The following PCDH11X variants were observed in gnomAD, a reference collection of about 807,000 sequenced individuals.
PCDH11X encodes the protein protocadherin 11 X-linked, also known as protocadherin-11 X-linked.
Under a neutral mutation model 53.3 loss-of-function variants are expected in PCDH11X, and 18 were observed. The ratio of observed to expected loss-of-function variants is 0.34; its 90% CI spans 0.23 to 0.50. The LOEUF (loss-of-function observed/expected upper bound fraction) is 0.50, where lower values mean the gene tolerates loss of function less well. PCDH11X is among the 20% of genes least tolerant of loss of function. The pLI is 0.98. For synonymous variants in PCDH11X, 279 were observed against 393.3 expected (o/e 0.71, Z 3.44); for missense variants, 570 against 1,032.4 (o/e 0.55, Z 6.14).
chrX:92,033,129 T>C (rs1243076062), intron 6 of PCDH11X, among the ~76,000 whole-genome samples: 2 of 110,545 alleles, frequency 1.8e-5, no homozygotes, highest in Non-Finnish European at 3.8e-5. Context: ...AAATGTATTG[T>C]TGGATTAAGT....
rs910104506 is a variant in PCDH11X at position 92,306,884 on chromosome X, A to T, written c.3144+43741A>T. Among the ~76,000 whole-genome samples the T allele has an allele frequency of 6.3e-5, 7 of 111,260 alleles. No individual in the cohort carries two copies. In the Admixed American group the frequency reaches 6.7e-4, roughly 11 times the overall value. ...AGAATTGCTTAAACCTGGAAGGTGGAGGTTGCAGTGAGCCAAGATCGTGCC... is the reference window on the plus strand; with the variant it reads ...AGAATTGCTTAAACCTGGAAGGTGGTGGTTGCAGTGAGCCAAGATCGTGCC... On this transcript the variant is annotated intron_variant, in intron 8 of 10. Coordinates refer to ENST00000682573, the MANE Select transcript of PCDH11X (RefSeq NM_032968.5).
In PCDH11X at chrX:92,101,705, A is replaced by C. The variant is rs988060310; in HGVS notation, c.3034-99670A>C. ...ACTTATTCAGTGAAAGTGTCTATTT[A>C]GACTAAGAGGTATTTTAGTTTCCTG... is the stretch of plus-strand genomic sequence containing the variant. On this transcript the variant is annotated intron_variant, in intron 6 of 10. Coordinates refer to ENST00000682573, the MANE Select transcript of PCDH11X (RefSeq NM_032968.5). 7.3e-5 allele frequency among the ~76,000 whole-genome samples: 8 copies of C among 110,262 alleles called. No individual in the cohort carries two copies. The East Asian group carries it at 1.4e-3, about 20-fold the overall frequency.
chrX:92,022,551 A>G (rs895267839), intron 6 of PCDH11X, among the ~76,000 whole-genome samples: 13 of 102,557 alleles, frequency 1.3e-4, no homozygotes, highest in African/African-American at 4.6e-4. Context: ...AGAACTACAA[A>G]GAGACTTGGA....
intron 6 of PCDH11X, among the ~76,000 whole-genome samples, chrX:91,956,488 A>T (rs1464174708): frequency 2.7e-5 from 3 of 110,151 alleles, no homozygotes; most frequent in African/African-American, 6.6e-5. Flanking sequence ...TCTGAAAAGG[A>T]TCTTATTTCT....
chrX:92,183,978 CTA>C (rs767271530), intron 6 of PCDH11X, among the ~76,000 whole-genome samples: 177 of 5,393 alleles, frequency 0.033, no homozygotes, highest in African/African-American at 0.052. Flanking sequence ...ATATAATAGA[CTA>C]TTTTTTTTTT....
chrX:92,605,086 T>C (rs1926645865), intron 10 of PCDH11X, among the ~76,000 whole-genome samples: 1 of 106,966 alleles, frequency 9.3e-6, no homozygotes, highest in Non-Finnish European at 1.9e-5. Context: ...CTAGCAGACA[T>C]GTATCTGACT....
At chrX:91,962,193 C>T (rs1411262585) in intron 6 of PCDH11X, among the ~76,000 whole-genome samples, 1 of 108,869 alleles carries the variant, frequency 9.2e-6, no homozygotes, top group African/African-American at 3.4e-5. Flanking sequence ...AAGTCCATGT[C>T]CAAAAGTCTT....
chrX:91,804,658 T>C (rs1180580262), intron 1 of PCDH11X, among the ~76,000 whole-genome samples: 1 of 111,307 alleles, frequency 9.0e-6, no homozygotes, highest in African/African-American at 3.3e-5. Context: ...TTATTTATTG[T>C]TAAATTGTAT....
At chrX:92,411,936 GGGGGAGGAGGAGGAGT>G (rs2071667773) in intron 9 of PCDH11X, among the ~76,000 whole-genome samples, 1 of 5,038 alleles carries the variant, frequency 2.0e-4, no homozygotes, top group Non-Finnish European at 3.6e-4. Flanking sequence ...GGAGGAGGAG[GGGGGAGGAGGAGGAGT>G]GGGAGGAGGA....
chrX:92,228,738 A>G (rs2067015252), intron 7 of PCDH11X, among the ~76,000 whole-genome samples: 2 of 111,721 alleles, frequency 1.8e-5, no homozygotes, highest in South Asian at 7.4e-4. Flanking sequence ...AGGGCAGCTG[A>G]TATTATTACT....
intron 8 of PCDH11X, among the ~76,000 whole-genome samples, chrX:92,276,759 G>T (rs1286628283): frequency 8.9e-6 from 1 of 111,807 alleles, no homozygotes; most frequent in Non-Finnish European, 1.9e-5. Flanking sequence ...AGCAGATTGG[G>T]TAATAAAATG....
intron 9 of PCDH11X, among the ~76,000 whole-genome samples, chrX:92,395,443 C>T (rs929703935): frequency 2.7e-5 from 3 of 111,213 alleles, no homozygotes; most frequent in African/African-American, 6.5e-5. Flanking sequence ...AATCATCTTA[C>T]GTATTACAGA....
intron 10 of PCDH11X, among the ~76,000 whole-genome samples, chrX:92,468,574 A>G (rs1337100169): frequency 9.2e-6 from 1 of 108,604 alleles, no homozygotes; most frequent in Admixed American, 1.0e-4. Context: ...AATAAATGTG[A>G]CTCTATAGTT....
chrX:92,446,619 T>C (rs2072653756), intron 9 of PCDH11X, among the ~76,000 whole-genome samples: 1 of 111,892 alleles, frequency 8.9e-6, no homozygotes, highest in Non-Finnish European at 1.9e-5. Flanking sequence ...CCCAGCCATG[T>C]GGAACTGTAA....
At chrX:92,118,613 G>T (rs1176418542) in intron 6 of PCDH11X, among the ~76,000 whole-genome samples, 3 of 108,581 alleles carry the variant, frequency 2.8e-5, no homozygotes, top group Non-Finnish European at 3.8e-5. Context: ...GTATAAACAC[G>T]TATCTTTTAA....
chrX:92,553,545 G>A lies in PCDH11X; in HGVS notation c.3368-64719G>A, dbSNP rs181890674. On this transcript the variant is annotated intron_variant, in intron 10 of 10. Coordinates refer to ENST00000682573, the MANE Select transcript of PCDH11X (RefSeq NM_032968.5). ...AACCAACTTTTTTCACTCATCTTTT[G>A]TATTGTTTTCATTTTAATTTTATTT... Among the ~76,000 whole-genome samples the A allele has an allele frequency of 3.6e-4, 39 of 107,691 alleles. No individual in the cohort carries two copies. The East Asian group carries it at 5.6e-3, about 15-fold the overall frequency. 93.5% of individuals were successfully genotyped at this position (107,691 alleles called of 115,157 possible). A position where few individuals can be genotyped will look rare whatever the true frequency, so the allele number is the denominator to read the frequency against.
intron 10 of PCDH11X, among the ~76,000 whole-genome samples, chrX:92,579,584 G>T (rs1156866667): frequency 2.7e-5 from 3 of 111,138 alleles, no homozygotes; most frequent in Non-Finnish European, 5.6e-5. Flanking sequence ...GTGTTTTTCA[G>T]CTCCATCGGG....
At chrX:92,481,170 G>T (rs896900010) in intron 10 of PCDH11X, among the ~76,000 whole-genome samples, 4 of 110,922 alleles carry the variant, frequency 3.6e-5, no homozygotes, top group Non-Finnish European at 7.6e-5. Flanking sequence ...CAGGGGCCTG[G>T]TAAAGGTGGG....
At chrX:92,400,171 T>G (rs1343538458) in intron 9 of PCDH11X, among the ~76,000 whole-genome samples, 1 of 111,142 alleles carries the variant, frequency 9.0e-6, no homozygotes, top group Non-Finnish European at 1.9e-5. Context: ...GCTCTTCATT[T>G]CTAGGAAACT....
Sources: allele counts gnomAD v4.1 joint callset (sites outside exome capture counted in the v4.1 genomes callset), GRCh38; gene constraint gnomAD v4.1.1; transcripts MANE v1.5; gene names NCBI Gene and HGNC (gene_info 2026-07-23, HGNC 2026-07-21).